The following TENM2 variants were observed in gnomAD, a reference collection of about 807,000 sequenced individuals.
TENM2 encodes the protein teneurin-2.
Under a neutral mutation model 245.2 loss-of-function variants are expected in TENM2, and 52 were observed. The ratio of observed to expected loss-of-function variants is 0.21; its 90% CI spans 0.17 to 0.27. The LOEUF (loss-of-function observed/expected upper bound fraction) is 0.27, where lower values mean the gene tolerates loss of function less well. Among genes scored for constraint, TENM2 ranks in the 10% least tolerant of loss-of-function variants. TENM2 has a pLI of 1.00. For synonymous variants in TENM2, 1,363 were observed against 1,438.9 expected (o/e 0.95, Z 1.19); for missense variants, 3,046 against 3,666.8 (o/e 0.83, Z 4.37).
At chr5:167,348,540 T>G (rs1249472740) in intron 1 of TENM2, among the ~76,000 whole-genome samples, 1 of 152,172 alleles carries the variant, frequency 6.6e-6, no homozygotes, top group African/African-American at 2.4e-5. Flanking sequence ...TAGACTGAGA[T>G]AGAATACATG....
chr5:168,082,763 C>A (rs533463572), intron 7 of TENM2, among the ~76,000 whole-genome samples: 1 of 152,304 alleles, frequency 6.6e-6, no homozygotes, highest in South Asian at 2.1e-4. Context: ...GGCTGCAGAA[C>A]AGCAAATATT....
chr5:167,740,286 C>T (rs947797332), intron 2 of TENM2, among the ~76,000 whole-genome samples: 2 of 152,118 alleles, frequency 1.3e-5, no homozygotes, highest in Non-Finnish European at 2.9e-5. Flanking sequence ...AATGCAGAAA[C>T]GTGCCCAAAT....
chr5:168,060,297 C>T (rs1789928255), intron 6 of TENM2, among the ~76,000 whole-genome samples: 1 of 151,934 alleles, frequency 6.6e-6, no homozygotes, highest in Non-Finnish European at 1.5e-5. Flanking sequence ...CCTATCGTCC[C>T]AGCTAATTTG....
At chr5:167,464,609 T>C (rs1766525694) in intron 2 of TENM2, among the ~76,000 whole-genome samples, 1 of 152,192 alleles carries the variant, frequency 6.6e-6, no homozygotes, top group Non-Finnish European at 1.5e-5. Context: ...TGAATTTTCA[T>C]TATAACATTA....
the TENM2 span, among the ~76,000 whole-genome samples, chr5:167,243,850 A>G: frequency 6.6e-6 from 1 of 152,040 alleles, no homozygotes; most frequent in South Asian, 2.1e-4. Context: ...ATCTCTGCCC[A>G]CCTCCTTCAT....
At chr5:167,675,105 A>G (rs993397153) in intron 2 of TENM2, among the ~76,000 whole-genome samples, 2 of 152,144 alleles carry the variant, frequency 1.3e-5, no homozygotes, top group African/African-American at 4.8e-5. Context: ...AAGCTCTCCA[A>G]AAATATCAAG....
chr5:168,143,574 AG>A (rs566983894), intron 12 of TENM2, among the ~76,000 whole-genome samples: 30 of 152,164 alleles, frequency 2.0e-4, no homozygotes, highest in Non-Finnish European at 4.1e-4. Context: ...CTTTGTTGAA[AG>A]GGTATTCCAG....
At chr5:168,001,439 A>C (rs974107044) in intron 5 of TENM2, among the ~76,000 whole-genome samples, 1 of 152,228 alleles carries the variant, frequency 6.6e-6, no homozygotes, top group Non-Finnish European at 1.5e-5. Context: ...TAATGGCATA[A>C]ATCTAAAAGT....
chr5:167,068,490 A>G, the TENM2 span, among the ~76,000 whole-genome samples: 1 of 152,368 alleles, frequency 6.6e-6, no homozygotes, highest in Non-Finnish European at 1.5e-5. Context: ...CTGAGATACC[A>G]AACCTTATCT....
In TENM2 at chr5:167,960,438, G is replaced by A. The variant is rs922721193; in HGVS notation, c.947+7616G>A. ...GAGGCAGTCTGGCTACAGCAGGTTT[G>A]CTGAGCTGTGGTGGGCTCTGCCCAG... On this transcript the variant is annotated intron_variant, in intron 4 of 28. Transcript: ENST00000518659. Among the ~76,000 whole-genome samples the A allele has an allele frequency of 2.4e-4, 36 of 152,342 alleles. No homozygotes were observed. In the East Asian group the frequency reaches 6.2e-3, roughly 26 times the overall value.
At chr5:168,197,712 AAAAAAAGATGAAATTCTAGAGGGGAGGT>A (rs1011617841) in intron 15 of TENM2, among the ~76,000 whole-genome samples, 1 of 151,972 alleles carries the variant, frequency 6.6e-6, no homozygotes, top group African/African-American at 2.4e-5. Context: ...AAAAAAAAAA[AAAAAAAGATGAAATTCTAGAGGGGAGGT>A]AAAATAAAGC....
At chr5:167,623,579 C>A (rs1778310150) in intron 2 of TENM2, among the ~76,000 whole-genome samples, 1 of 152,072 alleles carries the variant, frequency 6.6e-6, no homozygotes, top group African/African-American at 2.4e-5. Context: ...TTTAGATGAG[C>A]AAGCTCCCCA....
chr5:168,013,819 G>A (rs1253961605), intron 5 of TENM2, among the ~76,000 whole-genome samples: 1 of 152,176 alleles, frequency 6.6e-6, no homozygotes, highest in East Asian at 1.9e-4. Context: ...TCTGGAGGCT[G>A]GAAGTCCAGC....
the TENM2 span, among the ~76,000 whole-genome samples, chr5:166,995,838 AAAAAT>A: frequency 2.5e-4 from 38 of 150,634 alleles, no homozygotes; most frequent in African/African-American, 9.0e-4. Context: ...AAAAAAAAAA[AAAAAT>A]TTCTGTTCTC....
At chr5:167,190,776 A>G in the TENM2 span, among the ~76,000 whole-genome samples, 1,484 of 152,124 alleles carry the variant, frequency 9.8e-3, 26 homozygotes, top group African/African-American at 0.034. Context: ...CATTTCACCA[A>G]TTCATGCCAA....
At chr5:167,622,209 A>C (rs551641561) in intron 2 of TENM2, among the ~76,000 whole-genome samples, 1 of 152,292 alleles carries the variant, frequency 6.6e-6, no homozygotes, top group African/African-American at 2.4e-5. Flanking sequence ...ATCAAAAAGT[A>C]AACAGCAGCT....
intron 2 of TENM2, among the ~76,000 whole-genome samples, chr5:167,650,622 A>G (rs1754395531): frequency 6.6e-6 from 1 of 152,200 alleles, no homozygotes; most frequent in South Asian, 2.1e-4. Context: ...CAACAACTGC[A>G]GAAAATACAA....
chr5:167,269,518 ATAG>A, the TENM2 span, among the ~76,000 whole-genome samples: 532 of 139,550 alleles, frequency 3.8e-3, 4 homozygotes, highest in African/African-American at 0.012. Flanking sequence ...TAATAGTAAA[ATAG>A]TAGAAAATAG....
intron 1 of TENM2, chr5:167,306,600 CG>C (rs1755693956): frequency 6.6e-6 from 1 of 152,000 alleles, no homozygotes; most frequent in African/African-American, 2.4e-5. Flanking sequence ...CAGATAGATG[CG>C]GGGATGCCAG....
Sources: allele counts gnomAD v4.1 joint callset (sites outside exome capture counted in the v4.1 genomes callset), GRCh38; gene constraint gnomAD v4.1.1; transcripts MANE v1.5; gene names NCBI Gene and HGNC (gene_info 2026-07-23, HGNC 2026-07-21).